The following TEPSIN variants were observed in gnomAD, a reference collection of about 807,000 sequenced individuals.
The protein encoded by TEPSIN is TEPSIN adaptor related protein complex 4 accessory protein.
TEPSIN carries 50 observed loss-of-function variants against 48.5 expected under a neutral mutation model. The observed-to-expected ratio is 1.03, with a 90% CI of 0.82 to 1.31. The LOEUF is 1.31. Ranked by LOEUF, TEPSIN falls within the 50% of genes most tolerant of loss-of-function variation. The pLI is 0.00. For synonymous variants in TEPSIN, 392 were observed against 358.8 expected (o/e 1.09, Z -1.05); for missense variants, 838 against 815.9 (o/e 1.03, Z -0.33).
chr17:81,229,341 C>T lies in TEPSIN; in HGVS notation c.1369G>A (p.Val457Ile). 3 of 1,565,230 alleles carry T rather than the reference C, an allele frequency of 1.9e-6. No individual in the cohort carries two copies. The highest frequency in any genetic ancestry group is 2.6e-6 in the Non-Finnish European group (3 of 1,155,202). The change falls in exon 13 of 13, where the codon GTC becomes ATC. Residue 457 changes from valine (V) to isoleucine (I), a missense_variant. By Grantham distance (29) the Val-to-Ile change is conservative. Coordinates refer to ENST00000637944, the MANE Select transcript of TEPSIN (RefSeq NM_001363764.2). ...TDAVPLPGSQ[V>I]FLQPLSSTPV... is the part of the protein sequence containing the mutation. Reference sequence around the variant, plus strand: ...GTTGAACTCAGAGGCTGCAGGAAGACCTGGCTCCCAGGGAGAGGCACAGCG... The same window carrying T: ...GTTGAACTCAGAGGCTGCAGGAAGATCTGGCTCCCAGGGAGAGGCACAGCG...
chr17:81,238,521 C>T (rs1056346531), intron 1 of TEPSIN: 19 of 729,512 alleles, frequency 2.6e-5, no homozygotes, highest in East Asian at 1.2e-4. Context: ...TACAATGGTG[C>T]GTCCTTCTCT....
At position 81,230,963 on chromosome 17, in the gene TEPSIN, GGCT is replaced by G; in HGVS notation, c.1099-288_1099-286del. 12 of 517,930 alleles carry G rather than the reference GGCT, an allele frequency of 2.3e-5. No homozygotes were observed. The highest frequency in any genetic ancestry group is 3.1e-5 in the Non-Finnish European group (9 of 293,540). The allele number at this position is 517,930 out of a possible 1,614,324, so 32.1% of individuals were successfully genotyped here. ...CGGACACCAGAGCCATGTCCTCCCC[GGCT>G]CCTGGACAGACCCCAGCGAGAAGCA... On this transcript the variant is annotated intron_variant, in intron 11 of 12. Transcript: ENST00000637944. This position sits in a 1 kb window ranked among gnomAD's most constrained non-coding sequence, Gnocchi z 4.2.
chr17:81,236,461 C>T (rs991833269), intron 4 of TEPSIN, among the ~76,000 whole-genome samples: 2 of 152,128 alleles, frequency 1.3e-5, no homozygotes, highest in Non-Finnish European at 2.9e-5. Flanking sequence ...ATAGGAGGCA[C>T]GGAGGACCCA....
chr17:81,238,070 G>A, intron 1 of TEPSIN: 2 of 990,382 alleles, frequency 2.0e-6, no homozygotes, highest in Non-Finnish European at 2.4e-6. Context: ...TTCAGTATCA[G>A]GACAGAATAG....
rs1419898330 is a variant in TEPSIN, at chr17:81,233,014, C to T, written c.526+418G>A. On this transcript the variant is annotated intron_variant, in intron 7 of 12. Transcript: ENST00000637944. The surrounding 1 kb of genome is among the most constrained non-coding windows in gnomAD (Gnocchi z 5.8). ...GCTGGGCTGGGGGCTGGGTCCCAGC[C>T]GCAGGCAGTGGTGCCACCTGTGGCT... is the stretch of plus-strand genomic sequence containing the variant. 2.0e-5 allele frequency: 5 copies of T among 253,516 alleles called. No individual in the cohort carries two copies. Among genetic ancestry groups the T allele is most frequent in the African/African-American group, 6.9e-5 (3 of 43,512 alleles). 15.7% of individuals were successfully genotyped at this position (253,516 alleles called of 1,614,324 possible). A position where few individuals can be genotyped will look rare whatever the true frequency, so the allele number is the denominator to read the frequency against.
chr17:81,235,381 G>A (rs192525542), intron 4 of TEPSIN, among the ~76,000 whole-genome samples: 3 of 152,258 alleles, frequency 2.0e-5, no homozygotes, highest in South Asian at 2.1e-4. Context: ...CGTCTCTCAC[G>A]TGTGGCATCT....
intron 11 of TEPSIN, chr17:81,231,010 T>A (rs566219192): frequency 8.3e-6 from 4 of 483,984 alleles, no homozygotes; most frequent in Non-Finnish European, 1.5e-5. Flanking sequence ...GCTGCCCCGA[T>A]TGCCTTACCT....
Position 81,238,969 on chromosome 17 carries a change from G to A in TEPSIN, c.48+17C>T. On this transcript the variant is annotated intron_variant, in intron 1 of 12. Coordinates refer to ENST00000637944, the MANE Select transcript of TEPSIN (RefSeq NM_001363764.2). ...GGAGCCGTGGGACCGGGGCCCGGGCGGACCGCCCTCACTCACCCGGTGTAG... is the reference window on the plus strand; with the variant it reads ...GGAGCCGTGGGACCGGGGCCCGGGCAGACCGCCCTCACTCACCCGGTGTAG... The A allele has an allele frequency of 6.9e-7, 1 of 1,446,850 alleles. No homozygotes were observed. The highest frequency in any genetic ancestry group is 9.0e-7 in the Non-Finnish European group (1 of 1,106,704). 89.6% of individuals were successfully genotyped at this position (1,446,850 alleles called of 1,614,324 possible). A position where few individuals can be genotyped will look rare whatever the true frequency, so the allele number is the denominator to read the frequency against.
At position 81,234,019 on chromosome 17, in the gene TEPSIN, C is replaced by G; in HGVS notation, c.337G>C (p.Gly113Arg). 6.3e-7 allele frequency: 1 copy of G among 1,596,734 alleles called. No individual in the cohort carries two copies. The highest frequency in any genetic ancestry group is 8.5e-7 in the Non-Finnish European group (1 of 1,175,088). Reference sequence around the variant, plus strand: ...CGAACCTTCTGGTACAAGCTGTTCCCGTGCAGAGGATCTGGGGGCCCTGCA... The same window carrying G: ...CGAACCTTCTGGTACAAGCTGTTCCGGTGCAGAGGATCTGGGGGCCCTGCA... The part of the protein sequence containing the change: ...AFAGPPDPLH[G>R]NSLYQKVRAA... Residue 113 changes from glycine to arginine, a missense_variant, in exon 5 of 13, where the codon GGG becomes CGG. Coordinates refer to ENST00000637944, the MANE Select transcript of TEPSIN (RefSeq NM_001363764.2). The surrounding 1 kb of genome is among the most constrained non-coding windows in gnomAD (Gnocchi z 5.4).
At chr17:81,231,739 C>T (rs760320046) in intron 9 of TEPSIN, 48 bp from the exon 10 acceptor site, 18 of 1,609,218 alleles carry the variant, frequency 1.1e-5, no homozygotes, top group East Asian at 2.2e-5. Context: ...GCCATGCCCC[C>T]ACTCCTGTCT....
Position 81,229,377 on chromosome 17 carries a change from G to C in TEPSIN, c.1333C>G (p.Leu445Val). 1 of 1,556,574 alleles carries C rather than the reference G, an allele frequency of 6.4e-7. No individual in the cohort carries two copies. Among genetic ancestry groups the C allele is most frequent in the Non-Finnish European group, 8.7e-7 (1 of 1,150,794 alleles). The change falls in exon 13 of 13, where the codon CTG becomes GTG. Residue 445 changes from leucine to valine, a missense_variant. Leu to Val is a conservative substitution (Grantham distance 32). Transcript: ENST00000637944. ...PTAALPGPSD[L>V]LTDAVPLPGS... is the part of the protein sequence containing the mutation. ...GGGAGAGGCACAGCGTCGGTCAGCA[G>C]GTCAGATGGGCCTGGGAGGGCGGCT...
Position 81,228,914 on chromosome 17 carries a change from G to A in TEPSIN, c.*14C>T, listed in dbSNP as rs755388140. On this transcript the variant is annotated 3_prime_UTR_variant, in exon 13 of 13. Transcript: ENST00000637944. ...AGCAGCTGAAGCTGAAGACTCCAGGGCCAGGCCATCGGGTCAGGCGTTCAG... is the reference window on the plus strand; with the variant it reads ...AGCAGCTGAAGCTGAAGACTCCAGGACCAGGCCATCGGGTCAGGCGTTCAG... 6.2e-7 allele frequency: 1 copy of A among 1,612,174 alleles called. No homozygotes were observed. Among genetic ancestry groups the A allele is most frequent in the South Asian group, 1.1e-5 (1 of 90,988 alleles).
At position 81,228,428 on chromosome 17, in the gene TEPSIN, G is replaced by A. The variant is rs1467334516; in HGVS notation, c.*500C>T. The stretch of plus-strand genomic sequence containing the variant: ...CAGGTGAGAGCCAGGGAAGGATCAC[G>A]TAGGGATCTGAGACTTGAAATGGCC... On this transcript the variant is annotated 3_prime_UTR_variant, in exon 13 of 13. Coordinates refer to ENST00000637944, the MANE Select transcript of TEPSIN (RefSeq NM_001363764.2). 1.0e-5 allele frequency: 2 copies of A among 198,590 alleles called. No homozygotes were observed. The highest frequency in any genetic ancestry group is 7.8e-5 in the South Asian group (1 of 12,814). 12.3% of individuals were successfully genotyped at this position (198,590 alleles called of 1,614,324 possible). A position where few individuals can be genotyped will look rare whatever the true frequency, so the allele number is the denominator to read the frequency against.
intron 2 of TEPSIN, 33 bp downstream of exon 2, chr17:81,237,354 T>C (rs376333182): frequency 2.4e-4 from 377 of 1,603,768 alleles, no homozygotes; most frequent in Middle Eastern, 1.2e-3. Context: ...CCATCCGCTC[T>C]TTCCACTACA....
Position 81,232,417 on chromosome 17 carries a change from G to A in TEPSIN, c.628C>T (p.Leu210=). Residue 210 remains leucine (L), a synonymous_variant, in exon 8 of 13, where the codon CTG becomes TTG. Coordinates refer to ENST00000637944, the MANE Select transcript of TEPSIN (RefSeq NM_001363764.2). ...GGCTGGTAGGTGTCACCCCGCGGCAGGAGCCTCCGGGTACTGGGACTCTCG... is the reference window on the plus strand; with the variant it reads ...GGCTGGTAGGTGTCACCCCGCGGCAAGAGCCTCCGGGTACTGGGACTCTCG... ...GPESPSTRRL[L]PRGDTYQPAM... The A allele has an allele frequency of 6.5e-7, 1 of 1,535,874 alleles. No homozygotes were observed. The highest frequency in any genetic ancestry group is 8.7e-7 in the Non-Finnish European group (1 of 1,146,736).
Position 81,228,815 on chromosome 17 carries a change from C to T in TEPSIN, c.*113G>A. 7.4e-7 allele frequency: 1 copy of T among 1,358,900 alleles called. No individual in the cohort carries two copies. The highest frequency in any genetic ancestry group is 1.0e-6 in the Non-Finnish European group (1 of 988,690). 84.2% of individuals were successfully genotyped at this position (1,358,900 alleles called of 1,614,324 possible). On this transcript the variant is annotated 3_prime_UTR_variant, in exon 13 of 13. Transcript: ENST00000637944. ...AAACTGAGGTAGCCCTAGGGTCGTC[C>T]TCTCAAGTCAAGCTGCCTGGAGACT...
In TEPSIN at chr17:81,232,032, C is replaced by G. The variant is rs528168481; in HGVS notation, c.731-11G>C. 9 of 1,603,544 alleles carry G rather than the reference C, an allele frequency of 5.6e-6. No individual in the cohort carries two copies. In the African/African-American group the frequency reaches 1.1e-4, roughly 19 times the overall value. ...GCTGATGCCTCACAGCTGGAGGAAA[C>G]AGGACAGCCGGTGAGATCCCTGGGG... On this transcript the variant is annotated splice_polypyrimidine_tract_variant and intron_variant, in intron 8 of 12. Transcript: ENST00000637944.
rs372689880 is a variant in TEPSIN at position 81,229,204 on chromosome 17, G to A, written c.1506C>T (p.Ala502=). The A allele has an allele frequency of 2.4e-5, 38 of 1,608,136 alleles. No individual in the cohort carries two copies. Among genetic ancestry groups the A allele is most frequent in the East Asian group, 2.2e-4 (10 of 44,696 alleles). The change falls in exon 13 of 13, where the codon GCC becomes GCT. Residue 502 remains alanine (A), a synonymous_variant. Coordinates refer to ENST00000637944, the MANE Select transcript of TEPSIN (RefSeq NM_001363764.2). ...GCCTGCTTTCTGCCAGTCTGGCCTC[G>A]GCCTCGCTGGGGTCTCCGGGGGCTG... ...PIPAPGDPSE[A]EARLAESRRW...
In TEPSIN at chr17:81,233,620, G is replaced by T; in HGVS notation, c.454+18C>A. The T allele has an allele frequency of 6.3e-7, 1 of 1,590,226 alleles. No homozygotes were observed. The highest frequency in any genetic ancestry group is 8.5e-7 in the Non-Finnish European group (1 of 1,169,638). On this transcript the variant is annotated intron_variant, in intron 6 of 12. Coordinates refer to ENST00000637944, the MANE Select transcript of TEPSIN (RefSeq NM_001363764.2). This position sits in a 1 kb window ranked among gnomAD's most constrained non-coding sequence, Gnocchi z 5.8. ...AAACCAGGTGCCAGAGCTGGACACG[G>T]TCCCCTCAGTCACCTACCTGTGGCA...
Sources: allele counts gnomAD v4.1 joint callset (sites outside exome capture counted in the v4.1 genomes callset), GRCh38; gene constraint gnomAD v4.1.1; non-coding constraint Gnocchi (gnomAD v3.1); transcripts MANE v1.5; gene names NCBI Gene and HGNC (gene_info 2026-07-23, HGNC 2026-07-21).